GPC6: variants seen among roughly 807,000 people sequenced by gnomAD.
GPC6 encodes the protein glypican 6, also known as glypican-6.
GPC6 carries 14 observed loss-of-function variants against 55.2 expected under a neutral mutation model. The observed-to-expected ratio is 0.25, with a 90% CI of 0.17 to 0.40. GPC6 has a LOEUF of 0.40. Among genes scored for constraint, GPC6 ranks in the 10% least tolerant of loss-of-function variants. The pLI is 1.00. For missense variants in GPC6, 641 were observed against 708.5 expected (o/e 0.90, Z 1.08); for synonymous variants, 278 against 259.6 (o/e 1.07, Z -0.68).
chr13:94,046,310 T>A (rs1015873238), intron 4 of GPC6, among the ~76,000 whole-genome samples: 7 of 152,180 alleles, frequency 4.6e-5, no homozygotes, highest in African/African-American at 1.7e-4. Flanking sequence ...CTGGGCCACA[T>A]TGCTTTGAAC....
chr13:94,288,325 G>T (rs1044633486), intron 5 of GPC6, among the ~76,000 whole-genome samples: 2 of 151,724 alleles, frequency 1.3e-5, no homozygotes, highest in African/African-American at 4.8e-5. Context: ...TTCCTCACTG[G>T]TCTCCTGGCT....
rs1003610453 is a variant in GPC6, at chr13:94,223,472, A to G, written c.878-62877A>G. Among the ~76,000 whole-genome samples, 5 of 152,294 alleles carry G rather than the reference A, an allele frequency of 3.3e-5. No homozygotes were observed. The South Asian group carries it at 1.0e-3, about 32-fold the overall frequency. On this transcript the variant is annotated intron_variant, in intron 4 of 8. Transcript: ENST00000377047. ...AAAATTGAGTCTCACAAAACATAAC[A>G]TACCTAAAATCACATAGCTACCTGG... is the stretch of plus-strand genomic sequence containing the variant.
intron 1 of GPC6, among the ~76,000 whole-genome samples, chr13:93,438,975 G>A (rs1228011958): frequency 2.0e-5 from 3 of 152,130 alleles, no homozygotes; most frequent in Non-Finnish European, 2.9e-5. Flanking sequence ...CAATATTGAA[G>A]CAAGATTTTC....
At chr13:93,976,252 G>A (rs1033562837) in intron 3 of GPC6, among the ~76,000 whole-genome samples, 6 of 151,980 alleles carry the variant, frequency 3.9e-5, no homozygotes, top group East Asian at 1.9e-4. Context: ...AATCTGATAT[G>A]CATTTTAATG....
At chr13:93,650,584 A>G (rs1369052363) in intron 2 of GPC6, among the ~76,000 whole-genome samples, 1 of 152,174 alleles carries the variant, frequency 6.6e-6, no homozygotes, top group Non-Finnish European at 1.5e-5. Flanking sequence ...TGTGTATGTT[A>G]ACAGCCATAA....
chr13:94,135,335 AT>A (rs1460664127), intron 4 of GPC6, among the ~76,000 whole-genome samples: 1 of 151,860 alleles, frequency 6.6e-6, no homozygotes, highest in East Asian at 1.9e-4. Flanking sequence ...AAATATGTGC[AT>A]TTGAAAAAAA....
intron 4 of GPC6, among the ~76,000 whole-genome samples, chr13:94,169,890 A>G (rs977691433): frequency 6.6e-6 from 1 of 151,984 alleles, no homozygotes; most frequent in Non-Finnish European, 1.5e-5. Flanking sequence ...TCCAGAGAAA[A>G]TGAAAAAAAA....
chr13:93,309,103 C>T (rs1011215142), intron 1 of GPC6, among the ~76,000 whole-genome samples: 3 of 152,048 alleles, frequency 2.0e-5, no homozygotes, highest in Non-Finnish European at 2.9e-5. Context: ...ATTTTCCTCC[C>T]GTCAAAGAGA....
intron 3 of GPC6, among the ~76,000 whole-genome samples, chr13:93,838,117 G>A (rs1887810499): frequency 6.6e-6 from 1 of 152,104 alleles, no homozygotes; most frequent in African/African-American, 2.4e-5. Flanking sequence ...GACAGACATG[G>A]GCTGAGCACC....
chr13:93,828,783 T>C (rs577917531), intron 2 of GPC6, among the ~76,000 whole-genome samples: 15 of 152,250 alleles, frequency 9.9e-5, no homozygotes, highest in African/African-American at 3.6e-4. Flanking sequence ...TTTGGTCTGA[T>C]TTGAAAACAA....
intron 1 of GPC6, among the ~76,000 whole-genome samples, chr13:93,501,527 T>G (rs1205412854): frequency 6.6e-6 from 1 of 152,204 alleles, no homozygotes; most frequent in Non-Finnish European, 1.5e-5. Context: ...TTGTTTTGTT[T>G]TCTTTGTTTG....
At chr13:94,280,474 A>T (rs1410262898) in intron 4 of GPC6, among the ~76,000 whole-genome samples, 3 of 152,002 alleles carry the variant, frequency 2.0e-5, no homozygotes, top group Admixed American at 2.0e-4. Context: ...TAATTCATCG[A>T]TTTGGGTGAA....
At chr13:93,605,885 A>G (rs1009214387) in intron 2 of GPC6, among the ~76,000 whole-genome samples, 1 of 151,378 alleles carries the variant, frequency 6.6e-6, no homozygotes, top group Non-Finnish European at 1.5e-5. Context: ...TTACATTACC[A>G]TATTTTTTGG....
chr13:93,899,399 T>C (rs561638126), intron 3 of GPC6, among the ~76,000 whole-genome samples: 1 of 150,886 alleles, frequency 6.6e-6, no homozygotes, highest in East Asian at 2.0e-4. Flanking sequence ...GAGTGAAACT[T>C]AAGCAGAGTC....
chr13:93,763,884 A>G (rs1885031534), intron 2 of GPC6, among the ~76,000 whole-genome samples: 1 of 151,634 alleles, frequency 6.6e-6, no homozygotes, highest in African/African-American at 2.4e-5. Context: ...CCTTTATCCC[A>G]TTCCATAAAT....
chr13:93,457,073 T>C (rs902284187), intron 1 of GPC6, among the ~76,000 whole-genome samples: 9 of 152,222 alleles, frequency 5.9e-5, no homozygotes, highest in African/African-American at 1.7e-4. Context: ...AAGAGGCACC[T>C]TCTGCCATGA....
chr13:93,318,398 C>G (rs557625916), intron 1 of GPC6, among the ~76,000 whole-genome samples: 11 of 152,080 alleles, frequency 7.2e-5, no homozygotes, highest in Admixed American at 4.6e-4. Context: ...TAACAAATTT[C>G]AGATAACTTG....
At chr13:94,363,922 G>C (rs1289418976) in intron 6 of GPC6, among the ~76,000 whole-genome samples, 1 of 152,108 alleles carries the variant, frequency 6.6e-6, no homozygotes, top group Non-Finnish European at 1.5e-5. Flanking sequence ...AAATAATAAA[G>C]AATATACAAT....
chr13:93,454,520 C>T (rs1445041174), intron 1 of GPC6, among the ~76,000 whole-genome samples: 1 of 147,122 alleles, frequency 6.8e-6, no homozygotes, highest in Non-Finnish European at 1.5e-5. Flanking sequence ...TACAGAGTGT[C>T]CACTGGTGCA....
Sources: gnomAD v4.1 joint callset for allele counts (sites outside exome capture counted in the v4.1 genomes callset) on GRCh38, gnomAD v4.1.1 for gene constraint, MANE v1.5 for transcripts, NCBI Gene and HGNC (gene_info 2026-07-23, HGNC 2026-07-21) for gene names.